TDRD12: variants seen among roughly 807,000 people sequenced by gnomAD.
TDRD12 encodes putative ATP-dependent RNA helicase TDRD12.
Under a neutral mutation model 133.5 loss-of-function variants are expected in TDRD12, and 158 were observed. The ratio of observed to expected loss-of-function variants is 1.18; its 90% confidence interval spans 1.04 to 1.35. The LOEUF (loss-of-function observed/expected upper bound fraction) is 1.35. Among genes scored for constraint, TDRD12 ranks in the 40% most tolerant of loss-of-function variants. The probability of loss-of-function intolerance (pLI) is 0.00; values close to 1 mark genes in which losing one functional copy is unlikely to be tolerated. For missense variants in TDRD12, 1,443 were observed against 1,321.3 expected (o/e 1.09, Z -1.43); for synonymous variants, 460 against 477.9 (o/e 0.96, Z 0.49).
chr19:32,743,928 T>G (rs1430319806), intron 4 of TDRD12, among the ~76,000 whole-genome samples: 1 of 150,008 alleles, frequency 6.7e-6, no homozygotes. Context: ...CTCAGGAGGC[T>G]GAGGCAGGAG....
At chr19:32,827,493 C>A in exon 10 of TDRD12, 2 of 232,380 alleles carry the variant, frequency 8.6e-6, no homozygotes. Context: ...AATTCTCCTG[C>A]CTCAGCCTCC....
At chr19:32,723,935 G>A (rs1290760338) in intron 1 of TDRD12, among the ~76,000 whole-genome samples, 1 of 152,094 alleles carries the variant, frequency 6.6e-6, no homozygotes, top group African/African-American at 2.4e-5. Context: ...ACAACTTACT[G>A]CAACCTCAAA....
At chr19:32,817,560 T>C (rs2145747357) in intron 26 of TDRD12, among the ~76,000 whole-genome samples, 1 of 152,134 alleles carries the variant, frequency 6.6e-6, no homozygotes, top group African/African-American at 2.4e-5. Context: ...TGTGCTCCTG[T>C]GTATACAGGT....
chr19:32,786,341 T>C (rs769095433), intron 11 of TDRD12, among the ~76,000 whole-genome samples: 4 of 152,218 alleles, frequency 2.6e-5, no homozygotes, highest in Non-Finnish European at 5.9e-5. Context: ...GACCTTTCTC[T>C]CTGGGTGCCC....
intron 11 of TDRD12, 44 bp downstream of exon 11, chr19:32,777,273 A>T: frequency 1.7e-6 from 2 of 1,148,326 alleles, no homozygotes; most frequent in Non-Finnish European, 2.4e-6. Flanking sequence ...TGAAATAATT[A>T]TAATAAAATT....
At chr19:32,812,154 G>A (rs1421448326) in intron 24 of TDRD12, among the ~76,000 whole-genome samples, 2 of 152,208 alleles carry the variant, frequency 1.3e-5, no homozygotes, top group East Asian at 3.9e-4. Flanking sequence ...GCTCCATGCG[G>A]GCTCACGTGG....
At chr19:32,744,396 A>C (rs527729930) in intron 4 of TDRD12, among the ~76,000 whole-genome samples, 1 of 149,156 alleles carries the variant, frequency 6.7e-6, no homozygotes, top group South Asian at 2.2e-4. Flanking sequence ...GCTACTCGGG[A>C]GACTGAGGCA....
At chr19:32,755,546 G>C (rs1969967596) in intron 6 of TDRD12, among the ~76,000 whole-genome samples, 1 of 152,198 alleles carries the variant, frequency 6.6e-6, no homozygotes, top group Non-Finnish European at 1.5e-5. Context: ...GTTTTATTGA[G>C]TTTTGAGAGT....
chr19:32,820,532 C>T (rs1331110451), intron 27 of TDRD12, among the ~76,000 whole-genome samples: 5 of 152,120 alleles, frequency 3.3e-5, no homozygotes, highest in Non-Finnish European at 5.9e-5. Flanking sequence ...AAATATGGGG[C>T]AGCACGTTGA....
intron 23 of TDRD12, among the ~76,000 whole-genome samples, chr19:32,810,818 GGA>G (rs1317884046): frequency 6.6e-6 from 1 of 152,140 alleles, no homozygotes; most frequent in Non-Finnish European, 1.5e-5. Context: ...CTTGAGCCCA[GGA>G]GGTCGAGGCT....
intron 8 of TDRD12, among the ~76,000 whole-genome samples, chr19:32,771,552 A>T (rs947988594): frequency 1.3e-5 from 2 of 148,226 alleles, no homozygotes; most frequent in African/African-American, 4.9e-5. Flanking sequence ...TTTTATCTTC[A>T]TATCGTCAGA....
At position 32,777,232 on chromosome 19, in the gene TDRD12, A is replaced by G; in HGVS notation, c.1121+3A>G. The G allele has an allele frequency of 6.6e-7, 1 of 1,513,314 alleles. No individual in the cohort carries two copies. Among genetic ancestry groups the G allele is most frequent in the Non-Finnish European group, 8.9e-7 (1 of 1,129,078 alleles). 93.7% of individuals were successfully genotyped at this position (1,513,314 alleles called of 1,614,324 possible). A position where few individuals can be genotyped will look rare whatever the true frequency, so the allele number is the denominator to read the frequency against. On this transcript the variant is annotated splice_donor_region_variant and intron_variant, in intron 11 of 27. Coordinates refer to ENST00000444215, the Ensembl canonical transcript of TDRD12. Reference sequence around the variant, plus strand: ...GATGAGAAGAATAGCTGTGTGAAGTAAGAATTTTTTCCTTGGCCTGAATTG... The same window carrying G: ...GATGAGAAGAATAGCTGTGTGAAGTGAGAATTTTTTCCTTGGCCTGAATTG...
At chr19:32,790,757 TC>T in intron 12 of TDRD12, 166 bp downstream of exon 12, 1 of 1,517,166 alleles carries the variant, frequency 6.6e-7, no homozygotes, top group Admixed American at 2.3e-5. Context: ...GATTGTTGCT[TC>T]TGAGAAATTG....
intron 7 of TDRD12, among the ~76,000 whole-genome samples, chr19:32,756,491 CATT>C (rs1969998565): frequency 1.3e-5 from 2 of 152,038 alleles, no homozygotes; most frequent in African/African-American, 4.8e-5. Flanking sequence ...AGGTTCACAC[CATT>C]CTCCTGCCTC....
intron 1 of TDRD12, among the ~76,000 whole-genome samples, chr19:32,726,315 T>A (rs1189141487): frequency 6.6e-6 from 1 of 152,042 alleles, no homozygotes; most frequent in Non-Finnish European, 1.5e-5. Context: ...CTCCTGACCT[T>A]GGATCCACCC....
intron 18 of TDRD12, 150 bp downstream of exon 18, chr19:32,800,922 C>A: frequency 1.2e-6 from 1 of 830,264 alleles, no homozygotes; most frequent in Non-Finnish European, 1.7e-6. Context: ...GGGGTCTTCT[C>A]ACAGAGCATG....
intron 11 of TDRD12, among the ~76,000 whole-genome samples, chr19:32,785,676 A>G (rs1405673158): frequency 6.6e-6 from 1 of 151,888 alleles, no homozygotes; most frequent in Non-Finnish European, 1.5e-5. Context: ...CTTTACTATT[A>G]TGTAATGGCC....
intron 1 of TDRD12, among the ~76,000 whole-genome samples, chr19:32,730,483 C>T (rs1969015835): frequency 6.6e-6 from 1 of 152,050 alleles, no homozygotes; most frequent in Non-Finnish European, 1.5e-5. Flanking sequence ...GTATTTTTTC[C>T]AGGGTTTATT....
chr19:32,812,914 A>G (rs8107257), intron 24 of TDRD12, among the ~76,000 whole-genome samples: 7,867 of 152,214 alleles, frequency 0.052, 353 homozygotes, highest in East Asian at 0.23. Context: ...GCTCACACCT[A>G]TAATTCCAGT....
Sources: allele counts gnomAD v4.1 joint callset (sites outside exome capture counted in the v4.1 genomes callset), GRCh38; gene constraint gnomAD v4.1.1; transcripts MANE v1.5; gene names NCBI Gene and HGNC (gene_info 2026-07-23, HGNC 2026-07-21).